The following ARID1B variants were observed in gnomAD, a reference collection of about 807,000 sequenced individuals.
ARID1B encodes AT-rich interaction domain 1B, also known as AT-rich interactive domain-containing protein 1B.
In ARID1B, 30 loss-of-function variants were observed where a neutral mutation model predicts 212.3. The observed-to-expected ratio is 0.14, with a 90% CI of 0.11 to 0.19. ARID1B has a LOEUF of 0.19. Ranked by LOEUF, ARID1B falls within the 10% of genes least tolerant of loss-of-function variation. ARID1B has a pLI of 1.00. For synonymous variants in ARID1B, 1,402 were observed against 1,301.7 expected, an observed-to-expected ratio of 1.08 and a Z score of -1.66; for missense variants, 2,891 against 3,204.0, an observed-to-expected ratio of 0.90 and a Z score of 2.36.
chr6:156,949,220 A>G (rs532200475), intron 4 of ARID1B, among the ~76,000 whole-genome samples: 6 of 152,246 alleles, frequency 3.9e-5, no homozygotes, highest in South Asian at 2.1e-4. Context: ...GGCATTTTCT[A>G]TGTTTTATAG....
chr6:156,845,102 G>A (rs567378852), intron 2 of ARID1B, among the ~76,000 whole-genome samples: 4 of 36,410 alleles, frequency 1.1e-4, no homozygotes, highest in African/African-American at 2.5e-4. Context: ...ATCTTCAGCC[G>A]GGGATGCATT....
At chr6:156,834,111 T>G (rs1031158428) in intron 2 of ARID1B, among the ~76,000 whole-genome samples, 1 of 152,214 alleles carries the variant, frequency 6.6e-6, no homozygotes, top group Admixed American at 6.5e-5. Flanking sequence ...TGATATAGTT[T>G]GCATGAGAGC....
intron 4 of ARID1B, among the ~76,000 whole-genome samples, chr6:156,957,908 G>A (rs1794087127): frequency 6.6e-6 from 1 of 152,136 alleles, no homozygotes; most frequent in African/African-American, 2.4e-5. Flanking sequence ...CTGGAGTTCT[G>A]TATTCTGCTA....
chr6:156,884,286 C>T (rs975759041), intron 2 of ARID1B, among the ~76,000 whole-genome samples: 1 of 151,924 alleles, frequency 6.6e-6, no homozygotes, highest in African/African-American at 2.4e-5. Flanking sequence ...TCCTTTGATT[C>T]CCCTCTCCCT....
At chr6:157,119,269 A>G (rs1011967954) in intron 6 of ARID1B, among the ~76,000 whole-genome samples, 5 of 152,024 alleles carry the variant, frequency 3.3e-5, no homozygotes, top group African/African-American at 1.2e-4. Context: ...CCCCAGCCTC[A>G]TGCCTTTGAG....
chr6:156,829,571 ATT>A, intron 2 of ARID1B, 150 bp downstream of exon 2: 2 of 905,798 alleles, frequency 2.2e-6, no homozygotes, highest in Non-Finnish European at 3.1e-6. Flanking sequence ...CACAGGTATA[ATT>A]TTTTTTTTCT....
chr6:157,130,443 A>C (rs775887606), intron 6 of ARID1B, among the ~76,000 whole-genome samples: 6 of 152,208 alleles, frequency 3.9e-5, no homozygotes, highest in Non-Finnish European at 7.3e-5. Flanking sequence ...GTAACATCTT[A>C]AGATGCAATC....
intron 3 of ARID1B, among the ~76,000 whole-genome samples, chr6:156,917,887 A>G (rs377258486): frequency 6.6e-6 from 1 of 152,184 alleles, no homozygotes; most frequent in Non-Finnish European, 1.5e-5. Context: ...TGTTTAAATG[A>G]TATTTTCTAA....
At chr6:156,884,093 A>T (rs1272626844) in intron 2 of ARID1B, among the ~76,000 whole-genome samples, 2 of 152,216 alleles carry the variant, frequency 1.3e-5, no homozygotes, top group Non-Finnish European at 2.9e-5. Flanking sequence ...AATGTATTAG[A>T]CTGCAACTAG....
chr6:156,844,627 G>C (rs1012208678), intron 2 of ARID1B, among the ~76,000 whole-genome samples: 5 of 152,196 alleles, frequency 3.3e-5, no homozygotes, highest in Non-Finnish European at 2.9e-5. Flanking sequence ...GTTTGTTCTG[G>C]TGTGTTTAAC....
intron 3 of ARID1B, among the ~76,000 whole-genome samples, chr6:156,908,184 A>G (rs1789562727): frequency 6.6e-6 from 1 of 152,154 alleles, no homozygotes; most frequent in African/African-American, 2.4e-5. Flanking sequence ...TACAGGCATG[A>G]ACTACTGTGC....
intron 4 of ARID1B, 46 bp from the exon 5 acceptor site, chr6:157,084,616 T>C (rs2128461718): frequency 6.3e-7 from 1 of 1,584,958 alleles, no homozygotes; most frequent in Non-Finnish European, 8.6e-7. Context: ...TGATGAGATA[T>C]TCATCCAAAC....
intron 4 of ARID1B, among the ~76,000 whole-genome samples, chr6:157,012,419 A>C (rs1467084911): frequency 6.6e-6 from 1 of 152,234 alleles, no homozygotes; most frequent in Non-Finnish European, 1.5e-5. Context: ...CAAACAAGTC[A>C]AGTGTAAACT....
At chr6:157,102,433 G>T (rs1015534751) in intron 5 of ARID1B, among the ~76,000 whole-genome samples, 2 of 152,028 alleles carry the variant, frequency 1.3e-5, no homozygotes, top group Non-Finnish European at 2.9e-5. Context: ...GGAACCCAGC[G>T]CATTCTTACA....
intron 9 of ARID1B, chr6:157,172,754 T>A (rs1402601597): frequency 1.3e-5 from 2 of 152,186 alleles, no homozygotes; most frequent in Non-Finnish European, 2.9e-5. Context: ...TACATGAATA[T>A]GTGCAATAAT....
intron 2 of ARID1B, among the ~76,000 whole-genome samples, chr6:156,854,216 T>C (rs1285824556): frequency 6.6e-6 from 1 of 152,210 alleles, no homozygotes; most frequent in Non-Finnish European, 1.5e-5. Context: ...AGCTAGCTAC[T>C]AGTACCTGTT....
intron 10 of ARID1B, chr6:157,174,346 G>A (rs1160361117): frequency 2.2e-6 from 1 of 449,654 alleles, no homozygotes; most frequent in Non-Finnish European, 4.0e-6. Flanking sequence ...GGGGAGAGGG[G>A]TGGAGGGACA....
chr6:157,161,429 G>A (rs552319807), intron 8 of ARID1B, among the ~76,000 whole-genome samples: 6,665 of 133,962 alleles, frequency 0.05, 540 homozygotes, highest in African/African-American at 0.19. Context: ...GATTGTGTGT[G>A]TGTATATATA....
chr6:156,779,393 G>C lies in ARID1B; in HGVS notation c.1713G>C (p.Pro571=), dbSNP rs774880058. 7.0e-7 allele frequency: 1 copy of C among 1,426,254 alleles called. No homozygotes were observed. The highest frequency in any genetic ancestry group is 9.2e-7 in the Non-Finnish European group (1 of 1,084,964). The allele number at this position is 1,426,254 out of a possible 1,614,324, so 88.3% of individuals were successfully genotyped here. Reference sequence around the variant, plus strand: ...GCGCCCAGTACGCCGCTGCCAGCCCGGCCTGGGCGGCCGCGCAACAAAGGA... The same window carrying C: ...GCGCCCAGTACGCCGCTGCCAGCCCCGCCTGGGCGGCCGCGCAACAAAGGA... The part of the protein sequence containing the change: ...DMGAQYAAAS[P]AWAAAQQRSH... The change falls in exon 1 of 20, where the codon CCG becomes CCC. Residue 571 remains proline (P), a synonymous_variant. Coordinates refer to ENST00000636930, the MANE Select transcript of ARID1B (RefSeq NM_001374828.1).
Sources: gnomAD v4.1 joint callset for allele counts (sites outside exome capture counted in the v4.1 genomes callset) on GRCh38, gnomAD v4.1.1 for gene constraint, MANE v1.5 for transcripts, NCBI Gene and HGNC (gene_info 2026-07-23, HGNC 2026-07-21) for gene names.